STARD9: variants seen among roughly 807,000 people sequenced by gnomAD.
STARD9 encodes the protein StAR related lipid transfer domain containing 9.
A neutral mutation model predicts 399.8 loss-of-function variants in STARD9; 346 were observed. The ratio of observed to expected loss-of-function variants is 0.87; its 90% CI spans 0.79 to 0.95. The LOEUF (loss-of-function observed/expected upper bound fraction) is 0.95. STARD9 is among the 40% of genes least tolerant of loss of function. The pLI is 0.00. For missense variants in STARD9, 5,832 were observed against 5,667.5 expected, an observed-to-expected ratio of 1.03 and a Z score of -0.93; for synonymous variants, 2,203 against 2,143.5, an observed-to-expected ratio of 1.03 and a Z score of -0.77.
chr15:42,674,137 T>C (rs186123402), intron 16 of STARD9, among the ~76,000 whole-genome samples: 2 of 152,348 alleles, frequency 1.3e-5, no homozygotes, highest in African/African-American at 4.8e-5. Flanking sequence ...TCCCTAACTT[T>C]AGGCTGTGGG....
chr15:42,718,398 A>T, intron 30 of STARD9, 37 bp from the exon 31 acceptor site: 1 of 1,505,408 alleles, frequency 6.6e-7, no homozygotes, highest in Non-Finnish European at 8.9e-7. Flanking sequence ...AGGTCTGTCC[A>T]TGGGCCTCCT....
At chr15:42,665,900 C>T in intron 15 of STARD9, 52 bp downstream of exon 15, 1 of 1,452,454 alleles carries the variant, frequency 6.9e-7, no homozygotes. Flanking sequence ...GGGAGCTCCT[C>T]CATTATTCCG....
intron 26 of STARD9, among the ~76,000 whole-genome samples, chr15:42,705,500 C>A (rs1306319310): frequency 6.6e-6 from 1 of 152,064 alleles, no homozygotes; most frequent in Non-Finnish European, 1.5e-5. Flanking sequence ...GTGGCGCCAT[C>A]TTGACTCACT....
intron 3 of STARD9, among the ~76,000 whole-genome samples, chr15:42,605,266 C>T (rs879230491): frequency 1.3e-5 from 2 of 152,262 alleles, no homozygotes; most frequent in South Asian, 2.1e-4. Flanking sequence ...TGAACTACAG[C>T]GAAAACCTTT....
At chr15:42,600,142 C>T (rs2058592629) in intron 3 of STARD9, among the ~76,000 whole-genome samples, 1 of 152,154 alleles carries the variant, frequency 6.6e-6, no homozygotes, top group Non-Finnish European at 1.5e-5. Context: ...TATATTTCAC[C>T]TCTAAGCTGG....
In STARD9 at chr15:42,716,893, G is replaced by A. The variant is rs1289558822; in HGVS notation, c.13373-34G>A. The A allele has an allele frequency of 2.6e-6, 4 of 1,536,778 alleles. No homozygotes were observed. In the South Asian group the frequency reaches 4.8e-5, roughly 18 times the overall value. ...TGCTGTCCTGAGGCCCTGATGTTCAGTGCTATCACAGGGCCTCCACCTATT... is the reference window on the plus strand; with the variant it reads ...TGCTGTCCTGAGGCCCTGATGTTCAATGCTATCACAGGGCCTCCACCTATT... On this transcript the variant is annotated intron_variant, in intron 27 of 32. Coordinates refer to ENST00000290607, the MANE Select transcript of STARD9 (RefSeq NM_020759.3).
Position 42,584,525 on chromosome 15 carries a change from C to G in STARD9, c.118-996C>G, listed in dbSNP as rs544601625. ...CTGTGGTCAGTTATCCAGGAAGAAT[C>G]TCTTAATCATTCTGGCAGCCTAATT... On this transcript the variant is annotated intron_variant, in intron 2 of 32. Coordinates refer to ENST00000290607, the MANE Select transcript of STARD9 (RefSeq NM_020759.3). 6.6e-4 allele frequency among the ~76,000 whole-genome samples: 100 copies of G among 152,340 alleles called. 1 individual carries two copies. Among genetic ancestry groups the G allele is most frequent in the African/African-American group, 2.3e-3 (97 of 41,576 alleles).
chr15:42,614,683 C>T (rs987618494), intron 3 of STARD9, among the ~76,000 whole-genome samples: 3 of 151,790 alleles, frequency 2.0e-5, no homozygotes, highest in African/African-American at 4.8e-5. Context: ...ATAAAAACAC[C>T]AGGCTGGGCA....
In STARD9 at chr15:42,691,668, A is replaced by G; in HGVS notation, c.10090A>G (p.Arg3364Gly). 1.2e-5 allele frequency: 18 copies of G among 1,537,232 alleles called. No homozygotes were observed. The highest frequency in any genetic ancestry group is 1.5e-5 in the Non-Finnish European group (17 of 1,146,900). Reference sequence around the variant, plus strand: ...TAACAGATTGTGGAACCCACATCTCAGGGGCTATTCCTCAGGAAAGTCAGT... The same window carrying G: ...TAACAGATTGTGGAACCCACATCTCGGGGGCTATTCCTCAGGAAAGTCAGT... Reference protein sequence around the residue: ...GPNRLWNPHLRGYSSGKSVAR... With the variant: ...GPNRLWNPHLGGYSSGKSVAR... Residue 3364 changes from arginine (R) to glycine (G), a missense_variant, in exon 23 of 33, where the codon AGG becomes GGG. By Grantham distance (125) the Arg-to-Gly change is moderately radical. Coordinates refer to ENST00000290607, the MANE Select transcript of STARD9 (RefSeq NM_020759.3).
At chr15:42,592,183 A>G (rs1366293299) in intron 3 of STARD9, among the ~76,000 whole-genome samples, 1 of 152,240 alleles carries the variant, frequency 6.6e-6, no homozygotes, top group Non-Finnish European at 1.5e-5. Flanking sequence ...TAGAGAAGTT[A>G]TATGATCTGC....
intron 3 of STARD9, among the ~76,000 whole-genome samples, chr15:42,623,721 T>G (rs760097248): frequency 6.6e-6 from 1 of 152,236 alleles, no homozygotes; most frequent in Non-Finnish European, 1.5e-5. Context: ...GGGAACTGTT[T>G]AAATACCAAT....
chr15:42,676,206 G>A (rs1035508765), intron 20 of STARD9, among the ~76,000 whole-genome samples: 1 of 152,070 alleles, frequency 6.6e-6, no homozygotes, highest in African/African-American at 2.4e-5. Flanking sequence ...TTGGTATTTC[G>A]ACTTTTTTCA....
At chr15:42,716,844 G>GTCAC (rs2061359990) in intron 27 of STARD9, 80 bp downstream of exon 27, 2 of 1,526,670 alleles carry the variant, frequency 1.3e-6, no homozygotes, top group Admixed American at 3.9e-5. Context: ...ATCTTAGTGA[G>GTCAC]TCACTGGTCT....
At chr15:42,635,066 G>A in intron 4 of STARD9, 94 bp downstream of exon 4, 2 of 605,964 alleles carry the variant, frequency 3.3e-6, no homozygotes, top group South Asian at 6.2e-5. Flanking sequence ...ATTTCTGTAG[G>A]CAGTCAACTT....
At chr15:42,632,858 A>G (rs1299681987) in intron 3 of STARD9, among the ~76,000 whole-genome samples, 1 of 151,934 alleles carries the variant, frequency 6.6e-6, no homozygotes, top group Non-Finnish European at 1.5e-5. Flanking sequence ...AAAATAAATA[A>G]AGAGCCAGAC....
At chr15:42,641,961 T>C (rs1354962715) in intron 7 of STARD9, among the ~76,000 whole-genome samples, 8 of 152,154 alleles carry the variant, frequency 5.3e-5, no homozygotes, top group Non-Finnish European at 1.2e-4. Context: ...CCTTGGAAGC[T>C]AGGACCCTGA....
At position 42,686,347 on chromosome 15, in the gene STARD9, A is replaced by C; in HGVS notation, c.4769A>C (p.Tyr1590Ser). 1 of 1,537,528 alleles carries C rather than the reference A, an allele frequency of 6.5e-7. No individual in the cohort carries two copies. Among genetic ancestry groups the C allele is most frequent in the Non-Finnish European group, 8.7e-7 (1 of 1,146,972 alleles). The change falls in exon 23 of 33, where the codon TAT becomes TCT. Residue 1590 changes from tyrosine to serine, a missense_variant. Transcript: ENST00000290607. The stretch of plus-strand genomic sequence containing the variant: ...AAAGAGGCGAGTTATGACGAAACTT[A>C]TTCGGCAGACTTAGAATCATTGTCT... Reference protein sequence around the residue: ...SEKEASYDETYSADLESLSAS... With the variant: ...SEKEASYDETSSADLESLSAS...
intron 3 of STARD9, among the ~76,000 whole-genome samples, chr15:42,624,819 G>T (rs1040148514): frequency 3.9e-5 from 6 of 152,120 alleles, no homozygotes; most frequent in African/African-American, 1.2e-4. Flanking sequence ...TAAGTTCTGG[G>T]TTTACAGGCA....
chr15:42,609,385 G>A (rs1182934950), intron 3 of STARD9, among the ~76,000 whole-genome samples: 1 of 151,882 alleles, frequency 6.6e-6, no homozygotes, highest in Non-Finnish European at 1.5e-5. Context: ...ATGGTCAAAA[G>A]ATTCTTTAGT....
Sources: gnomAD v4.1 joint callset for allele counts (sites outside exome capture counted in the v4.1 genomes callset) on GRCh38, gnomAD v4.1.1 for gene constraint, MANE v1.5 for transcripts, NCBI Gene and HGNC (gene_info 2026-07-23, HGNC 2026-07-21) for gene names.